FHIP1A: variants seen among roughly 807,000 people sequenced by gnomAD.
FHIP1A encodes the protein FHF complex subunit HOOK-interacting protein 1A.
A neutral mutation model predicts 88.6 loss-of-function variants in FHIP1A; 61 were observed. That is an observed-to-expected ratio of 0.69 (90% CI 0.56 to 0.85). The LOEUF is 0.85. Ranked by LOEUF, FHIP1A falls within the 40% of genes least tolerant of loss-of-function variation. The probability of loss-of-function intolerance (pLI) is 0.00; values close to 1 mark genes in which losing one functional copy is unlikely to be tolerated. For missense variants in FHIP1A, 1,154 were observed against 1,273.5 expected (o/e 0.91, Z 1.43); for synonymous variants, 478 against 496.0 (o/e 0.96, Z 0.48).
chr4:151,591,564 A>G (rs1734429335), intron 7 of FHIP1A, among the ~76,000 whole-genome samples: 1 of 152,076 alleles, frequency 6.6e-6, no homozygotes, highest in Non-Finnish European at 1.5e-5. Flanking sequence ...TCAACTCGTC[A>G]TCTACATTAG....
chr4:151,559,614 A>G lies in FHIP1A; in HGVS notation c.-122-6524A>G, dbSNP rs146158834. On this transcript the variant is annotated intron_variant, in intron 3 of 13. Coordinates refer to ENST00000435205, the MANE Select transcript of FHIP1A (RefSeq NM_001109977.3). ...GTACATTAAGAGCTGTATCTTTTTT[A>G]TAATTGTAACATAGTATTCCATTAC... is the stretch of plus-strand genomic sequence containing the variant. Among the ~76,000 whole-genome samples, 668 of 152,290 alleles carry G rather than the reference A, an allele frequency of 4.4e-3. 5 individuals are homozygous for G. Among genetic ancestry groups the G allele is most frequent in the African/African-American group, 0.015 (629 of 41,558 alleles).
At chr4:151,531,108 A>G (rs1356865575) in intron 3 of FHIP1A, among the ~76,000 whole-genome samples, 1 of 152,058 alleles carries the variant, frequency 6.6e-6, no homozygotes, top group Admixed American at 6.5e-5. Flanking sequence ...ATTTTGTATG[A>G]AGATAATTAT....
chr4:151,436,961 T>C (rs1178141577), intron 1 of FHIP1A, among the ~76,000 whole-genome samples: 1 of 152,144 alleles, frequency 6.6e-6, no homozygotes, highest in African/African-American at 2.4e-5. Context: ...ATCTAAATAC[T>C]ATGCAAATAG....
At chr4:151,639,530 C>G (rs1342668968) in intron 9 of FHIP1A, among the ~76,000 whole-genome samples, 1 of 152,148 alleles carries the variant, frequency 6.6e-6, no homozygotes, top group African/African-American at 2.4e-5. Flanking sequence ...GATTTAGCCC[C>G]GAATCTCTGC....
chr4:151,537,242 C>T (rs1053522621), intron 3 of FHIP1A, among the ~76,000 whole-genome samples: 3 of 152,004 alleles, frequency 2.0e-5, no homozygotes, highest in Non-Finnish European at 4.4e-5. Context: ...CTCTTACCAG[C>T]AAGTGATCTA....
intron 2 of FHIP1A, among the ~76,000 whole-genome samples, chr4:151,455,907 A>C (rs1291081598): frequency 1.3e-5 from 2 of 152,234 alleles, no homozygotes; most frequent in African/African-American, 4.8e-5. Flanking sequence ...TTCCTGTTGA[A>C]AGCAGTCTGG....
chr4:151,612,937 G>A (rs1278080425), intron 7 of FHIP1A, among the ~76,000 whole-genome samples: 2 of 152,192 alleles, frequency 1.3e-5, no homozygotes, highest in East Asian at 3.9e-4. Context: ...CTAGAGACGC[G>A]ACACCTTACT....
intron 2 of FHIP1A, among the ~76,000 whole-genome samples, chr4:151,476,120 A>G (rs893263704): frequency 6.6e-6 from 1 of 151,178 alleles, no homozygotes; most frequent in Non-Finnish European, 1.5e-5. Context: ...TTGGCCTCCC[A>G]AAGTGCTGGG....
intron 7 of FHIP1A, among the ~76,000 whole-genome samples, chr4:151,608,560 G>A (rs1263651859): frequency 2.0e-5 from 3 of 152,128 alleles, no homozygotes; most frequent in Non-Finnish European, 4.4e-5. Flanking sequence ...CACATGAGCC[G>A]GCACCCAGGT....
At chr4:151,503,100 A>G (rs149213828) in intron 3 of FHIP1A, among the ~76,000 whole-genome samples, 1 of 152,316 alleles carries the variant, frequency 6.6e-6, no homozygotes, top group African/African-American at 2.4e-5. Flanking sequence ...TGCGGAGTCT[A>G]ATTAACAAGA....
chr4:151,468,750 A>G (rs986837669), intron 2 of FHIP1A, among the ~76,000 whole-genome samples: 1 of 152,106 alleles, frequency 6.6e-6, no homozygotes, highest in Non-Finnish European at 1.5e-5. Context: ...CCAGGGCCTC[A>G]TTTGTCTGAA....
chr4:151,415,174 GT>G (rs1227078175), intron 1 of FHIP1A, among the ~76,000 whole-genome samples: 2 of 148,472 alleles, frequency 1.3e-5, no homozygotes, highest in African/African-American at 4.9e-5. Flanking sequence ...AATAGATATA[GT>G]TTTTTTGGTT....
At chr4:151,650,687 T>C in intron 11 of FHIP1A, 95 bp downstream of exon 11, 1 of 1,433,456 alleles carries the variant, frequency 7.0e-7, no homozygotes, top group Non-Finnish European at 9.2e-7. Context: ...AGGGATATTA[T>C]CGGTTTGTCT....
At chr4:151,451,710 A>T (rs1006785338) in intron 1 of FHIP1A, among the ~76,000 whole-genome samples, 3 of 152,140 alleles carry the variant, frequency 2.0e-5, no homozygotes, top group African/African-American at 7.2e-5. Context: ...TTAAAGCTCT[A>T]TTTCCAGTAA....
At chr4:151,621,552 G>T (rs1024483769) in intron 7 of FHIP1A, among the ~76,000 whole-genome samples, 1 of 150,824 alleles carries the variant, frequency 6.6e-6, no homozygotes, top group East Asian at 2.0e-4. Flanking sequence ...TGTGTGGCAG[G>T]GGGTGGTGGG....
At chr4:151,494,901 C>T (rs767227912) in intron 3 of FHIP1A, among the ~76,000 whole-genome samples, 7 of 152,106 alleles carry the variant, frequency 4.6e-5, no homozygotes, top group African/African-American at 1.7e-4. Flanking sequence ...TTTCACCTTC[C>T]TGGTTAGCTG....
At chr4:151,653,848 C>T (rs1315368473) in intron 11 of FHIP1A, among the ~76,000 whole-genome samples, 5 of 151,932 alleles carry the variant, frequency 3.3e-5, no homozygotes, top group East Asian at 1.9e-4. Context: ...GGCAGGGGAA[C>T]GGGAGAGCGG....
At chr4:151,517,764 GT>G (rs1731298843) in intron 3 of FHIP1A, among the ~76,000 whole-genome samples, 1 of 151,840 alleles carries the variant, frequency 6.6e-6, no homozygotes, top group African/African-American at 2.4e-5. Context: ...GTGTGTTTGT[GT>G]CTTAGCTTTT....
chr4:151,638,452 T>C (rs2126890736), intron 8 of FHIP1A, among the ~76,000 whole-genome samples: 1 of 151,994 alleles, frequency 6.6e-6, no homozygotes, highest in South Asian at 2.1e-4. Context: ...AGGAAGATAA[T>C]TCTGCACAGT....
Sources: gnomAD v4.1 joint callset for allele counts (sites outside exome capture counted in the v4.1 genomes callset) on GRCh38, gnomAD v4.1.1 for gene constraint, MANE v1.5 for transcripts, NCBI Gene and HGNC (gene_info 2026-07-23, HGNC 2026-07-21) for gene names.